Variants in TIA1 observed in about 807,000 individuals in gnomAD.
The protein encoded by TIA1 is cytotoxic granule associated RNA binding protein TIA1.
A neutral mutation model predicts 65.9 loss-of-function variants in TIA1; 23 were observed. That is an observed-to-expected ratio of 0.35 (90% CI 0.25 to 0.49). The LOEUF is 0.49. TIA1 is among the 20% of genes least tolerant of loss of function. The pLI is 0.98. For synonymous variants in TIA1, 147 were observed against 149.4 expected, an observed-to-expected ratio of 0.98 and a Z score of 0.12; for missense variants, 371 against 477.9, an observed-to-expected ratio of 0.78 and a Z score of 2.09.
chr2:70,230,356 T>C (rs1408207279), intron 3 of TIA1, among the ~76,000 whole-genome samples: 3 of 151,722 alleles, frequency 2.0e-5, no homozygotes, highest in African/African-American at 4.8e-5. Flanking sequence ...TGCTATAAAG[T>C]GTTTAATGTT....
At chr2:70,236,215 T>TG in intron 1 of TIA1, 40 bp from the exon 2 acceptor site, 3 of 1,264,346 alleles carry the variant, frequency 2.4e-6, no homozygotes, top group Non-Finnish European at 3.4e-6. Flanking sequence ...TTTTTTTTTT[T>TG]GAGACAGAGT....
At chr2:70,234,616 C>T (rs190602886) in intron 2 of TIA1, among the ~76,000 whole-genome samples, 147 of 152,282 alleles carry the variant, frequency 9.7e-4, no homozygotes, top group African/African-American at 3.2e-3. Flanking sequence ...GGCTGGAGTG[C>T]AATGGTGCAA....
At position 70,212,674 on chromosome 2, in the gene TIA1, T is replaced by A; in HGVS notation, c.*45A>T. On this transcript the variant is annotated 3_prime_UTR_variant, in exon 13 of 13. Coordinates refer to ENST00000433529, the MANE Select transcript of TIA1 (RefSeq NM_022173.4). Reference sequence around the variant, plus strand: ...TAAGTAAACAACGGCTTTACTACACTCCCTGTAGCCTCAAGCCACTGGCTT... The same window carrying A: ...TAAGTAAACAACGGCTTTACTACACACCCTGTAGCCTCAAGCCACTGGCTT... The A allele has an allele frequency of 8.4e-7, 1 of 1,195,918 alleles. No individual in the cohort carries two copies. Among genetic ancestry groups the A allele is most frequent in the Non-Finnish European group, 1.3e-6 (1 of 798,536 alleles). The allele number at this position is 1,195,918 out of a possible 1,614,324, so 74.1% of individuals were successfully genotyped here. A position where few individuals can be genotyped will look rare whatever the true frequency, so the allele number is the denominator to read the frequency against.
At position 70,210,716 on chromosome 2, in the gene TIA1, G is replaced by C. The variant is rs1676273381; in HGVS notation, c.*2003C>G. 6.6e-6 allele frequency: 1 copy of C among 152,032 alleles called. No individual in the cohort carries two copies. The highest frequency in any genetic ancestry group is 1.5e-5 in the Non-Finnish European group (1 of 68,004). The allele number at this position is 152,032 out of a possible 1,614,324, so 9.4% of individuals were successfully genotyped here. On this transcript the variant is annotated 3_prime_UTR_variant, in exon 13 of 13. Coordinates refer to ENST00000433529, the MANE Select transcript of TIA1 (RefSeq NM_022173.4). ...TGAGGGTCCTAAAGTAGAAACATAA[G>C]CCAGAAGAAATCTAAAAATAGCTTC...
intron 10 of TIA1, chr2:70,215,974 T>C: frequency 2.1e-6 from 1 of 474,754 alleles, no homozygotes; most frequent in South Asian, 2.6e-5. Flanking sequence ...CAGGCTGGTC[T>C]CAAACTCATG....
intron 3 of TIA1, among the ~76,000 whole-genome samples, 189 bp from the exon 4 acceptor site, chr2:70,229,507 T>C (rs1056427256): frequency 6.6e-6 from 1 of 152,228 alleles, no homozygotes; most frequent in African/African-American, 2.4e-5. Flanking sequence ...ATCCTAATCT[T>C]TATGTGTCTG....
At chr2:70,227,434 A>G (rs1684300175) in intron 6 of TIA1, among the ~76,000 whole-genome samples, 2 of 152,178 alleles carry the variant, frequency 1.3e-5, no homozygotes, top group South Asian at 4.1e-4. Flanking sequence ...TTTACTAAAG[A>G]TTGTCACCAA....
intron 2 of TIA1, among the ~76,000 whole-genome samples, chr2:70,231,292 A>C (rs1309804701): frequency 6.6e-6 from 1 of 152,026 alleles, no homozygotes; most frequent in Non-Finnish European, 1.5e-5. Context: ...ACAGAGCAAG[A>C]CTCCGTCTCA....
chr2:70,234,075 T>C (rs1189139233), intron 2 of TIA1, among the ~76,000 whole-genome samples: 2 of 152,218 alleles, frequency 1.3e-5, no homozygotes, highest in Non-Finnish European at 2.9e-5. Flanking sequence ...TTTTGTCTAA[T>C]GATCTTTCCC....
intron 10 of TIA1, 91 bp from the exon 11 acceptor site, chr2:70,215,585 G>A: frequency 3.3e-6 from 4 of 1,224,872 alleles, no homozygotes; most frequent in Non-Finnish European, 4.5e-6. Context: ...TGAGTCTGAG[G>A]TAAAACAGTT....
intron 1 of TIA1, among the ~76,000 whole-genome samples, chr2:70,239,166 C>T (rs1279915296): frequency 1.3e-5 from 2 of 152,286 alleles, no homozygotes; most frequent in East Asian, 3.9e-4. Flanking sequence ...GATCTCGGCT[C>T]ACTGCAAGCT....
intron 10 of TIA1, among the ~76,000 whole-genome samples, chr2:70,215,852 G>A (rs1181940273): frequency 3.9e-5 from 6 of 152,152 alleles, no homozygotes; most frequent in African/African-American, 1.4e-4. Context: ...GGGTTCAAGT[G>A]ATTCTCCTGC....
At chr2:70,223,712 C>G (rs940846023) in intron 7 of TIA1, among the ~76,000 whole-genome samples, 1 of 148,926 alleles carries the variant, frequency 6.7e-6, no homozygotes. Flanking sequence ...CTGGGCTCGG[C>G]TGAATTTTCG....
chr2:70,240,523 G>A (rs967516663), intron 1 of TIA1, among the ~76,000 whole-genome samples: 2 of 152,182 alleles, frequency 1.3e-5, no homozygotes, highest in African/African-American at 4.8e-5. Context: ...CCAGGAGTTT[G>A]AGTCCAGCCT....
chr2:70,230,905 C>G (rs987387813), intron 2 of TIA1, 51 bp from the exon 3 acceptor site: 23 of 1,417,206 alleles, frequency 1.6e-5, no homozygotes, highest in Non-Finnish European at 2.0e-5. Flanking sequence ...TCACCCATTA[C>G]CTTAAAATTA....
At chr2:70,232,225 A>G (rs1292550219) in intron 2 of TIA1, among the ~76,000 whole-genome samples, 6 of 145,580 alleles carry the variant, frequency 4.1e-5, no homozygotes, top group African/African-American at 1.5e-4. Context: ...AAAAAAAAAA[A>G]GAAAAAAGAA....
At chr2:70,215,296 G>C in intron 11 of TIA1, 75 bp downstream of exon 11, 1 of 1,571,526 alleles carries the variant, frequency 6.4e-7, no homozygotes, top group South Asian at 1.1e-5. Context: ...TATTAACAAG[G>C]ATTATCAACA....
intron 7 of TIA1, 77 bp downstream of exon 7, chr2:70,224,477 A>G (rs1682955408): frequency 6.3e-7 from 1 of 1,587,296 alleles, no homozygotes; most frequent in African/African-American, 1.4e-5. Context: ...CAGACGAAAA[A>G]AAGATTAGTA....
intron 6 of TIA1, chr2:70,224,867 C>T: frequency 8.1e-7 from 1 of 1,240,902 alleles, no homozygotes; most frequent in Non-Finnish European, 1.0e-6. Context: ...AATTGCCTCT[C>T]TCTTCAAAAA....
Sources: gnomAD v4.1 joint callset for allele counts (sites outside exome capture counted in the v4.1 genomes callset) on GRCh38, gnomAD v4.1.1 for gene constraint, MANE v1.5 for transcripts, NCBI Gene and HGNC (gene_info 2026-07-23, HGNC 2026-07-21) for gene names.